Variants in AUTS2 observed in about 807,000 individuals in gnomAD.
AUTS2 encodes the protein activator of transcription and developmental regulator AUTS2.
AUTS2 carries 17 observed loss-of-function variants against 112.4 expected under a neutral mutation model. That is an observed-to-expected ratio of 0.15 (90% CI 0.10 to 0.23). AUTS2 has a LOEUF of 0.23. Among genes scored for constraint, AUTS2 ranks in the 10% least tolerant of loss-of-function variants. The pLI is 1.00. For missense variants in AUTS2, 1,510 were observed against 1,701.6 expected (o/e 0.89, Z 1.98); for synonymous variants, 751 against 702.7 (o/e 1.07, Z -1.09).
At chr7:70,446,669 G>A (rs1023943426) in intron 5 of AUTS2, among the ~76,000 whole-genome samples, 1 of 152,190 alleles carries the variant, frequency 6.6e-6, no homozygotes, top group Admixed American at 6.5e-5. Context: ...CCATAACCGA[G>A]TATGACATGA....
chr7:70,511,955 CT>C (rs1799214576), intron 5 of AUTS2, among the ~76,000 whole-genome samples: 1 of 152,160 alleles, frequency 6.6e-6, no homozygotes, highest in Non-Finnish European at 1.5e-5. Context: ...AAAGGTCAGC[CT>C]ACCTGAACCC....
At chr7:70,771,011 C>T (rs550612104) in intron 10 of AUTS2, among the ~76,000 whole-genome samples, 40 of 152,120 alleles carry the variant, frequency 2.6e-4, no homozygotes, top group Admixed American at 7.9e-4. Context: ...ACTGCCACTT[C>T]TGCAACAACC....
chr7:69,756,929 A>G (rs1787969051), intron 1 of AUTS2, among the ~76,000 whole-genome samples: 1 of 152,210 alleles, frequency 6.6e-6, no homozygotes, highest in Admixed American at 6.5e-5. Flanking sequence ...GTCAATAAAG[A>G]AACCCTTTAT....
At chr7:70,188,599 A>G (rs1260600336) in intron 4 of AUTS2, among the ~76,000 whole-genome samples, 1 of 152,174 alleles carries the variant, frequency 6.6e-6, no homozygotes, top group Non-Finnish European at 1.5e-5. Context: ...TGGTGAATAT[A>G]TCACGATTTT....
At chr7:69,913,404 G>T (rs1265354965) in intron 2 of AUTS2, among the ~76,000 whole-genome samples, 1 of 152,096 alleles carries the variant, frequency 6.6e-6, no homozygotes, top group African/African-American at 2.4e-5. Flanking sequence ...TGAAAAACTG[G>T]GATATATAGT....
chr7:70,170,262 C>T (rs1340492803), intron 4 of AUTS2, among the ~76,000 whole-genome samples: 1 of 150,250 alleles, frequency 6.7e-6, no homozygotes, highest in Non-Finnish European at 1.5e-5. Context: ...TGGGCTCAAG[C>T]GATCCTCCCA....
At chr7:69,650,097 A>G (rs568231452) in intron 1 of AUTS2, among the ~76,000 whole-genome samples, 150 of 152,322 alleles carry the variant, frequency 9.8e-4, no homozygotes, top group South Asian at 3.9e-3. Context: ...AATATAAATT[A>G]GGTGACAAGA....
chr7:69,600,101 ATTG>A (rs2129067826), intron 1 of AUTS2, 139 bp downstream of exon 1: 1 of 997,386 alleles, frequency 1.0e-6, no homozygotes, highest in Non-Finnish European at 1.5e-6. Flanking sequence ...CTGAGGTCTT[ATTG>A]TTGGTGGGGG....
chr7:70,011,730 C>T (rs148160599), intron 2 of AUTS2, among the ~76,000 whole-genome samples: 1 of 152,104 alleles, frequency 6.6e-6, no homozygotes, highest in Non-Finnish European at 1.5e-5. Context: ...CAGAGCAATT[C>T]TTTGCATAAT....
Position 69,979,785 on chromosome 7 carries a change from A to T in AUTS2, c.522+80287A>T, listed in dbSNP as rs569546482. ...CAGCCTGTAATAGCTTCTTGTTGAA[A>T]GGCTGCCTGCTATACAGATGCAGCA... On this transcript the variant is annotated intron_variant, in intron 2 of 18. Coordinates refer to ENST00000342771, the MANE Select transcript of AUTS2 (RefSeq NM_015570.4). Among the ~76,000 whole-genome samples the T allele has an allele frequency of 2.0e-5, 3 of 152,332 alleles. No homozygotes were observed. The East Asian group carries it at 5.8e-4, about 29-fold the overall frequency.
intron 2 of AUTS2, among the ~76,000 whole-genome samples, chr7:70,014,046 T>C (rs916825267): frequency 2.0e-5 from 3 of 152,240 alleles, no homozygotes; most frequent in Admixed American, 6.5e-5. Flanking sequence ...GGCTGTGTTT[T>C]CTTTCCCTGT....
Position 69,975,938 on chromosome 7 carries a change from A to G in AUTS2, c.522+76440A>G, listed in dbSNP as rs572160865. ...CCTGACCTCAGGTGATCCGCCCACC[A>G]AAGTGCTCTGATTACAGGCTTGAAC... On this transcript the variant is annotated intron_variant, in intron 2 of 18. Transcript: ENST00000342771. 1.2e-4 allele frequency among the ~76,000 whole-genome samples: 19 copies of G among 152,152 alleles called. 1 individual carries two copies. In the South Asian group the frequency reaches 3.9e-3, roughly 32 times the overall value.
intron 5 of AUTS2, among the ~76,000 whole-genome samples, chr7:70,621,798 G>A (rs1433406223): frequency 1.4e-5 from 2 of 145,766 alleles, no homozygotes; most frequent in Admixed American, 1.4e-4. Flanking sequence ...GTTCTGGGAC[G>A]CTACAGCTAG....
At chr7:69,836,082 A>C (rs1206969004) in intron 1 of AUTS2, among the ~76,000 whole-genome samples, 2 of 152,232 alleles carry the variant, frequency 1.3e-5, no homozygotes, top group African/African-American at 2.4e-5. Context: ...TATGTGCGTG[A>C]GAAATGTCAA....
At chr7:70,098,719 T>G (rs78868470) in intron 2 of AUTS2, among the ~76,000 whole-genome samples, 1 of 151,686 alleles carries the variant, frequency 6.6e-6, no homozygotes, top group African/African-American at 2.4e-5. Context: ...TTTTTTTTTT[T>G]GAGACAGAGT....
At chr7:70,458,773 G>A (rs1796848542) in intron 5 of AUTS2, among the ~76,000 whole-genome samples, 1 of 152,208 alleles carries the variant, frequency 6.6e-6, no homozygotes, top group Non-Finnish European at 1.5e-5. Context: ...TCTGGTGGGA[G>A]CTTGTGTTTT....
chr7:70,374,219 A>C (rs1168019887), intron 4 of AUTS2, among the ~76,000 whole-genome samples: 1 of 152,246 alleles, frequency 6.6e-6, no homozygotes. Context: ...GAAAAGAGGG[A>C]TAAAGCACAT....
chr7:70,577,988 G>C (rs965903002), intron 5 of AUTS2, among the ~76,000 whole-genome samples: 9 of 151,840 alleles, frequency 5.9e-5, no homozygotes, highest in Admixed American at 5.9e-4. Context: ...CCGCCACCAC[G>C]CCCGGCTAAT....
rs536401865 is a variant in AUTS2, at chr7:70,100,001, T to TA, written c.523-18121dup. Among the ~76,000 whole-genome samples the TA allele has an allele frequency of 2.0e-3, 293 of 148,902 alleles. 2 individuals are homozygous for TA. The highest frequency in any genetic ancestry group is 5.2e-3 in the African/African-American group (213 of 40,764). ...CAAAATTAAGGGTAGAGAACAGCAGTAAAAAAAAAATGACAAATATGTATT... is the reference window on the plus strand; with the variant it reads ...CAAAATTAAGGGTAGAGAACAGCAGTAAAAAAAAAAATGACAAATATGTATT... On this transcript the variant is annotated intron_variant, in intron 2 of 18. Transcript: ENST00000342771.
Sources: gnomAD v4.1 joint callset for allele counts (sites outside exome capture counted in the v4.1 genomes callset) on GRCh38, gnomAD v4.1.1 for gene constraint, MANE v1.5 for transcripts, NCBI Gene and HGNC (gene_info 2026-07-23, HGNC 2026-07-21) for gene names.